Variants in BCKDHB observed in about 807,000 individuals in gnomAD.
BCKDHB encodes the protein 2-oxoisovalerate dehydrogenase subunit beta, mitochondrial.
In BCKDHB, 41 loss-of-function variants were observed where a neutral mutation model predicts 48.5. That is an observed-to-expected ratio of 0.85 (90% confidence interval 0.66 to 1.10). BCKDHB has a LOEUF of 1.10. Among genes scored for constraint, BCKDHB ranks in the 50% least tolerant of loss-of-function variants. The pLI, the probability that BCKDHB is intolerant of heterozygous loss-of-function variation, is 0.00. For synonymous variants in BCKDHB, 201 were observed against 174.8 expected (o/e 1.15, Z -1.18); for missense variants, 496 against 494.2 (o/e 1.00, Z -0.03).
chr6:80,448,068 G>A, the BCKDHB span, among the ~76,000 whole-genome samples: 1 of 152,166 alleles, frequency 6.6e-6, no homozygotes, highest in African/African-American at 2.4e-5. Flanking sequence ...AAACGGAGGT[G>A]CTGGGATTAT....
chr6:80,397,609 G>A, the BCKDHB span, among the ~76,000 whole-genome samples: 1 of 152,162 alleles, frequency 6.6e-6, no homozygotes, highest in East Asian at 1.9e-4. Context: ...AAGGCTGAGT[G>A]TGGAGGTTCA....
In BCKDHB at chr6:80,266,026, C is replaced by G. The variant is rs535307860; in HGVS notation, c.952-7109C>G. The stretch of plus-strand genomic sequence containing the variant: ...CCATTGCCAACTCCAAAGAAAAATC[C>G]TGGAAGAGCCAGGAAGGGTCTTCTA... On this transcript the variant is annotated intron_variant, in intron 8 of 9. Coordinates refer to ENST00000320393, the MANE Select transcript of BCKDHB (RefSeq NM_183050.4). Among the ~76,000 whole-genome samples the G allele has an allele frequency of 2.0e-5, 3 of 152,140 alleles. No individual in the cohort carries two copies. In the East Asian group the frequency reaches 5.8e-4, roughly 29 times the overall value.
At chr6:80,322,220 G>A (rs987423940) in intron 9 of BCKDHB, among the ~76,000 whole-genome samples, 4 of 146,714 alleles carry the variant, frequency 2.7e-5, no homozygotes, top group South Asian at 2.2e-4. Flanking sequence ...AGACATAGGC[G>A]TTTTCTTTCT....
At position 80,162,525 on chromosome 6, in the gene BCKDHB, G is replaced by A. The variant is rs114510973; in HGVS notation, c.344-5153G>A. 6.3e-3 allele frequency among the ~76,000 whole-genome samples: 957 copies of A among 152,138 alleles called. 10 individuals carry two copies. Among genetic ancestry groups the A allele is most frequent in the African/African-American group, 0.022 (901 of 41,486 alleles). On this transcript the variant is annotated intron_variant, in intron 3 of 9. Coordinates refer to ENST00000320393, the MANE Select transcript of BCKDHB (RefSeq NM_183050.4). ...TCTTCTCTACTGATCATTCCCATCA[G>A]CCTGCAAATATGCTGTTATTTTTTC...
At chr6:80,210,088 A>G (rs1774845868) in intron 8 of BCKDHB, among the ~76,000 whole-genome samples, 1 of 149,446 alleles carries the variant, frequency 6.7e-6, no homozygotes, top group Admixed American at 6.8e-5. Flanking sequence ...CCTGAACCCT[A>G]TAACCTAGCA....
chr6:80,195,985 C>G (rs1262044708), intron 6 of BCKDHB, among the ~76,000 whole-genome samples: 1 of 152,110 alleles, frequency 6.6e-6, no homozygotes, highest in African/African-American at 2.4e-5. Flanking sequence ...ATGAATAAAG[C>G]CCTATCCGAG....
intron 6 of BCKDHB, among the ~76,000 whole-genome samples, chr6:80,179,059 G>A (rs547894447): frequency 3.1e-4 from 47 of 152,168 alleles, no homozygotes; most frequent in African/African-American, 1.1e-3. Flanking sequence ...GTCTCCCTCT[G>A]TTACCCAGGA....
chr6:80,124,649 T>C (rs1193622046), intron 1 of BCKDHB, among the ~76,000 whole-genome samples: 1 of 152,196 alleles, frequency 6.6e-6, no homozygotes, highest in Non-Finnish European at 1.5e-5. Flanking sequence ...ATGGCCTTCT[T>C]TGTCTCTTTT....
intron 8 of BCKDHB, among the ~76,000 whole-genome samples, chr6:80,237,527 A>G (rs1014245094): frequency 2.0e-5 from 3 of 152,228 alleles, no homozygotes; most frequent in Admixed American, 2.0e-4. Context: ...CACTCATCAT[A>G]CTTAGTGTTT....
chr6:80,344,528 G>A lies in BCKDHB; in HGVS notation c.*724G>A, dbSNP rs1240823516. 1.3e-5 allele frequency: 2 copies of A among 152,270 alleles called. No homozygotes were observed. The highest frequency in any genetic ancestry group is 2.4e-5 in the African/African-American group (1 of 41,258). The allele number at this position is 152,270 out of a possible 1,614,324, so 9.4% of individuals were successfully genotyped here. ...GCCCAGCTAATTTTTTATATTTTTA[G>A]TAGAGACGGGGTTTCACCATGTTGG... On this transcript the variant is annotated 3_prime_UTR_variant, in exon 10 of 10. Coordinates refer to ENST00000320393, the MANE Select transcript of BCKDHB (RefSeq NM_183050.4).
At chr6:80,144,759 G>A (rs904171398) in intron 3 of BCKDHB, among the ~76,000 whole-genome samples, 2 of 152,086 alleles carry the variant, frequency 1.3e-5, no homozygotes, top group Non-Finnish European at 2.9e-5. Flanking sequence ...TACATTGAAA[G>A]ATTTCAGTAA....
intron 6 of BCKDHB, among the ~76,000 whole-genome samples, chr6:80,177,416 T>G (rs1172460811): frequency 2.0e-5 from 3 of 151,908 alleles, no homozygotes; most frequent in Admixed American, 1.3e-4. Context: ...ACGGGGGAAT[T>G]GATAAACTGG....
intron 3 of BCKDHB, among the ~76,000 whole-genome samples, chr6:80,134,636 A>G (rs1008178004): frequency 1.3e-5 from 2 of 152,122 alleles, no homozygotes; most frequent in African/African-American, 2.4e-5. Flanking sequence ...CTTTACATTT[A>G]GAGGTTTTTT....
the BCKDHB span, among the ~76,000 whole-genome samples, chr6:80,430,218 C>A: frequency 6.0e-4 from 92 of 152,278 alleles, no homozygotes; most frequent in African/African-American, 2.0e-3. Flanking sequence ...ATGAAGCTGA[C>A]TTGATCATGG....
intron 6 of BCKDHB, among the ~76,000 whole-genome samples, chr6:80,180,342 T>G (rs1221275887): frequency 6.6e-6 from 1 of 152,152 alleles, no homozygotes; most frequent in Non-Finnish European, 1.5e-5. Flanking sequence ...GAAGGATGTT[T>G]AGAAAAGGTA....
At chr6:80,293,909 C>T (rs957083850) in intron 9 of BCKDHB, among the ~76,000 whole-genome samples, 9 of 152,188 alleles carry the variant, frequency 5.9e-5, no homozygotes, top group Admixed American at 3.9e-4. Context: ...TACACCATTT[C>T]CCAACAAGTT....
At chr6:80,385,758 C>T in the BCKDHB span, among the ~76,000 whole-genome samples, 140,663 of 152,204 alleles carry the variant, frequency 0.92, 66,017 homozygotes, top group East Asian at 1. Context: ...CATGAGGAGG[C>T]GCACAACACT....
intron 8 of BCKDHB, among the ~76,000 whole-genome samples, chr6:80,267,985 A>G (rs1777584821): frequency 6.6e-6 from 1 of 152,068 alleles, no homozygotes; most frequent in African/African-American, 2.4e-5. Context: ...CCTCACTAAC[A>G]TCTTTGCCAA....
At chr6:80,217,967 A>G (rs1039979339) in intron 8 of BCKDHB, among the ~76,000 whole-genome samples, 2 of 152,160 alleles carry the variant, frequency 1.3e-5, no homozygotes, top group Non-Finnish European at 2.9e-5. Flanking sequence ...TCTAAATCAG[A>G]GCAGATGGGC....
Sources: allele counts gnomAD v4.1 joint callset (sites outside exome capture counted in the v4.1 genomes callset), GRCh38; gene constraint gnomAD v4.1.1; transcripts MANE v1.5; gene names NCBI Gene and HGNC (gene_info 2026-07-23, HGNC 2026-07-21).